RIMS2: variants seen among roughly 807,000 people sequenced by gnomAD.
RIMS2 encodes regulating synaptic membrane exocytosis protein 2.
In RIMS2, 59 loss-of-function variants were observed where a neutral mutation model predicts 174.4. That is an observed-to-expected ratio of 0.34 (90% CI 0.27 to 0.42). RIMS2 has a LOEUF of 0.42. RIMS2 is among the 10% of genes least tolerant of loss of function. The pLI is 1.00. For missense variants in RIMS2, 1,620 were observed against 1,666.3 expected (o/e 0.97, Z 0.48); for synonymous variants, 606 against 572.5 (o/e 1.06, Z -0.84).
chr8:103,626,835 G>A, intron 1 of RIMS2, among the ~76,000 whole-genome samples: 1 of 152,194 alleles, frequency 6.6e-6, no homozygotes, highest in South Asian at 2.1e-4. Context: ...GGGAGGGGGG[G>A]TGTACAAACA....
At chr8:104,022,216 T>C (rs940711376) in intron 19 of RIMS2, among the ~76,000 whole-genome samples, 10 of 152,276 alleles carry the variant, frequency 6.6e-5, no homozygotes, top group African/African-American at 2.4e-4. Flanking sequence ...ATCCTAACTT[T>C]ATGGCCTTTG....
rs564255655 is a variant in RIMS2, at chr8:103,724,924, G to A, written c.387+27628G>A. On this transcript the variant is annotated intron_variant, in intron 2 of 23. Transcript: ENST00000504942. ...CTGGTAGCTTGTAGCCATGGTCAGT[G>A]GCATACTGAGGGACTGTTGTTGGGA... Among the ~76,000 whole-genome samples the A allele has an allele frequency of 4.6e-5, 7 of 152,200 alleles. No homozygotes were observed. In the East Asian group the frequency reaches 1.3e-3, roughly 29 times the overall value.
At chr8:103,770,350 CGGATCACCTGAGGTCA>C (rs1242123944) in intron 3 of RIMS2, among the ~76,000 whole-genome samples, 8 of 152,188 alleles carry the variant, frequency 5.3e-5, no homozygotes, top group East Asian at 3.9e-4. Flanking sequence ...CCGAGGAGGG[CGGATCACCTGAGGTCA>C]GGAGTTCAAG....
intron 17 of RIMS2, among the ~76,000 whole-genome samples, chr8:103,997,492 T>C (rs924711891): frequency 6.6e-6 from 1 of 151,778 alleles, no homozygotes. Flanking sequence ...TCTAAGAAAG[T>C]AGGAAATTTT....
intron 19 of RIMS2, among the ~76,000 whole-genome samples, chr8:104,040,801 ATT>A (rs757742137): frequency 6.6e-6 from 1 of 151,692 alleles, no homozygotes; most frequent in Non-Finnish European, 1.5e-5. Flanking sequence ...CCTGATGACC[ATT>A]CTTTGTTTTT....
At chr8:103,863,295 T>G (rs2099068079) in intron 3 of RIMS2, among the ~76,000 whole-genome samples, 1 of 152,178 alleles carries the variant, frequency 6.6e-6, no homozygotes, top group Admixed American at 6.5e-5. Context: ...TGAACCATTC[T>G]TGCATCCCAG....
chr8:103,722,522 C>G, intron 2 of RIMS2, among the ~76,000 whole-genome samples: 1 of 152,006 alleles, frequency 6.6e-6, no homozygotes. Flanking sequence ...GTGCAGTTCA[C>G]GATAGGATTT....
intron 3 of RIMS2, among the ~76,000 whole-genome samples, chr8:103,865,633 CTT>C (rs1189471304): frequency 2.6e-5 from 4 of 151,988 alleles, no homozygotes; most frequent in Admixed American, 1.3e-4. Context: ...TTCCTGATAA[CTT>C]AATGTATTTA....
intron 3 of RIMS2, among the ~76,000 whole-genome samples, chr8:103,859,822 T>A (rs11779406): frequency 0.13 from 19,868 of 152,066 alleles, 1,759 homozygotes; most frequent in Non-Finnish European, 0.2. Context: ...GAAGCTTCAC[T>A]GTCTAGTGCA....
At chr8:103,770,600 G>T (rs894193763) in intron 3 of RIMS2, among the ~76,000 whole-genome samples, 3 of 151,962 alleles carry the variant, frequency 2.0e-5, no homozygotes, top group African/African-American at 7.2e-5. Context: ...GCAAATATTT[G>T]CTCTCTGATC....
intron 2 of RIMS2, among the ~76,000 whole-genome samples, chr8:103,743,663 C>A (rs1331055512): frequency 1.3e-5 from 2 of 151,798 alleles, no homozygotes; most frequent in Non-Finnish European, 2.9e-5. Flanking sequence ...TTGAGAAAAC[C>A]TGGTTTTATT....
At chr8:104,172,360 C>G (rs1156703641) in intron 19 of RIMS2, among the ~76,000 whole-genome samples, 1 of 152,018 alleles carries the variant, frequency 6.6e-6, no homozygotes, top group East Asian at 1.9e-4. Flanking sequence ...GAGGTACCAA[C>G]TGTAAAGAAA....
At chr8:104,007,921 C>T (rs1013943198) in intron 17 of RIMS2, among the ~76,000 whole-genome samples, 2 of 152,098 alleles carry the variant, frequency 1.3e-5, no homozygotes, top group African/African-American at 4.8e-5. Context: ...CAGCAGGCAA[C>T]AGTGCATATG....
chr8:103,552,262 CAATGGAACAGAACAGA>C (rs1431677133), intron 1 of RIMS2, among the ~76,000 whole-genome samples: 8 of 152,044 alleles, frequency 5.3e-5, no homozygotes, highest in Admixed American at 1.3e-4. Flanking sequence ...ATATATAGAC[CAATGGAACAGAACAGA>C]GCCCTCAGAA....
chr8:103,510,054 A>G (rs564069008), intron 1 of RIMS2, among the ~76,000 whole-genome samples: 4 of 152,192 alleles, frequency 2.6e-5, no homozygotes, highest in Non-Finnish European at 4.4e-5. Flanking sequence ...TTTAAGGCAC[A>G]GGAGGAATGC....
At chr8:103,898,015 G>A (rs1006775635) in intron 4 of RIMS2, among the ~76,000 whole-genome samples, 5 of 151,692 alleles carry the variant, frequency 3.3e-5, no homozygotes, top group South Asian at 2.1e-4. Context: ...CCTACCACGC[G>A]TTGTGCTTCC....
intron 19 of RIMS2, among the ~76,000 whole-genome samples, chr8:104,211,567 A>AT (rs10699798): frequency 0.041 from 5,853 of 141,692 alleles, 289 homozygotes; most frequent in African/African-American, 0.13. Context: ...CCAATGTGGA[A>AT]TTTTTTTTTT....
rs35163912 is a variant in RIMS2, at chr8:104,135,613, C to CAAA, written c.3335-109283_3335-109281dup. ...AGAGTGAGACCTTGTCTCCCAACCT[C>CAAA]AAAAAAAAAAAAAAAAAAAAAAGAA... On this transcript the variant is annotated intron_variant, in intron 19 of 23. Transcript: ENST00000504942. Among the ~76,000 whole-genome samples the CAAA allele has an allele frequency of 5.3e-3, 424 of 79,258 alleles. 4 individuals carry two copies. Among genetic ancestry groups the CAAA allele is most frequent in the East Asian group, 0.017 (47 of 2,688 alleles). 52.0% of individuals were successfully genotyped at this position (79,258 alleles called of 152,430 possible).
rs372568673 is a variant in RIMS2, at chr8:103,582,859, A to T, written c.176+81797A>T. On this transcript the variant is annotated intron_variant, in intron 1 of 23. Transcript: ENST00000504942. ...TCTGGACCCACCTGGGGCCTGGGGG[A>T]CCTCCCTGCCCTGAAGAGGAGGATA... Among the ~76,000 whole-genome samples the T allele has an allele frequency of 6.6e-5, 10 of 151,960 alleles. No homozygotes were observed. In the East Asian group the frequency reaches 1.9e-3, roughly 29 times the overall value.
Sources: allele counts gnomAD v4.1 joint callset (sites outside exome capture counted in the v4.1 genomes callset), GRCh38; gene constraint gnomAD v4.1.1; transcripts MANE v1.5; gene names NCBI Gene and HGNC (gene_info 2026-07-23, HGNC 2026-07-21).